The following IPO11 variants were observed in gnomAD, a reference collection of about 807,000 sequenced individuals.
IPO11 encodes the protein importin 11, also known as importin-11.
In IPO11, 66 loss-of-function variants were observed where a neutral mutation model predicts 143.2. The observed-to-expected ratio is 0.46, with a 90% confidence interval of 0.38 to 0.57. The LOEUF is 0.57. Ranked by LOEUF, IPO11 falls within the 20% of genes least tolerant of loss-of-function variation. The pLI is 0.00. For synonymous variants in IPO11, 385 were observed against 377.8 expected, an observed-to-expected ratio of 1.02 and a Z score of -0.22; for missense variants, 1,026 against 1,141.0, an observed-to-expected ratio of 0.90 and a Z score of 1.45.
At chr5:62,518,141 A>G (rs1473411020) in intron 20 of IPO11, among the ~76,000 whole-genome samples, 3 of 38,304 alleles carry the variant, frequency 7.8e-5, no homozygotes, top group Non-Finnish European at 1.3e-4. Context: ...CGTGCCTACT[A>G]AAAAAAAAAA....
At chr5:62,581,460 T>C (rs1744561499) in intron 27 of IPO11, 6 of 653,034 alleles carry the variant, frequency 9.2e-6, no homozygotes, top group Non-Finnish European at 7.4e-6. Flanking sequence ...GTGAACAGTG[T>C]ATTCATTTAG....
intron 16 of IPO11, among the ~76,000 whole-genome samples, chr5:62,497,417 G>T (rs550497139): frequency 6.6e-6 from 1 of 152,144 alleles, no homozygotes; most frequent in South Asian, 2.1e-4. Flanking sequence ...TCTCTTTCCA[G>T]TCTCATTCTA....
At chr5:62,579,310 A>G (rs1013438873) in intron 27 of IPO11, 15 of 838,852 alleles carry the variant, frequency 1.8e-5, no homozygotes, top group South Asian at 1.5e-4. Flanking sequence ...GCTGATCCTA[A>G]TTAAAATAGA....
chr5:62,528,667 A>C (rs1325110226), intron 21 of IPO11, among the ~76,000 whole-genome samples: 1 of 152,178 alleles, frequency 6.6e-6, no homozygotes, highest in Admixed American at 6.6e-5. Flanking sequence ...GGAATGAGAT[A>C]GGGAGGTGTT....
At chr5:62,524,180 G>A (rs1742294889) in intron 20 of IPO11, among the ~76,000 whole-genome samples, 1 of 152,106 alleles carries the variant, frequency 6.6e-6, no homozygotes, top group South Asian at 2.1e-4. Flanking sequence ...CTGCATATCA[G>A]GGATTGGACA....
At chr5:62,564,099 T>G (rs1036855519) in intron 27 of IPO11, among the ~76,000 whole-genome samples, 1 of 152,184 alleles carries the variant, frequency 6.6e-6, no homozygotes, top group Non-Finnish European at 1.5e-5. Flanking sequence ...TAGTAGAATT[T>G]TAAAGAATAA....
At chr5:62,548,790 T>G (rs969879136) in intron 24 of IPO11, among the ~76,000 whole-genome samples, 1 of 152,202 alleles carries the variant, frequency 6.6e-6, no homozygotes, top group Non-Finnish European at 1.5e-5. Flanking sequence ...ACCTTGGGAT[T>G]CAGCTTTCTC....
intron 29 of IPO11, among the ~76,000 whole-genome samples, chr5:62,603,572 G>A (rs77162785): frequency 2.0e-4 from 30 of 152,310 alleles, no homozygotes; most frequent in Admixed American, 7.2e-4. Context: ...GTCCTGGACA[G>A]GACACCATTT....
At chr5:62,513,146 T>TC (rs1436981732) in intron 19 of IPO11, among the ~76,000 whole-genome samples, 1 of 149,642 alleles carries the variant, frequency 6.7e-6, no homozygotes, top group Non-Finnish European at 1.5e-5. Context: ...GCTCCTCACT[T>TC]CCCAGTAGGG....
intron 29 of IPO11, among the ~76,000 whole-genome samples, chr5:62,617,370 T>A (rs1746179184): frequency 6.6e-6 from 1 of 152,248 alleles, no homozygotes; most frequent in Non-Finnish European, 1.5e-5. Flanking sequence ...TTAATTCACA[T>A]GTTTGGTTTT....
intron 7 of IPO11, 137 bp from the exon 8 acceptor site, chr5:62,474,279 T>G (rs1208991156): frequency 7.3e-6 from 4 of 548,348 alleles, no homozygotes; most frequent in Non-Finnish European, 1.3e-5. Flanking sequence ...GTTTTTTGCT[T>G]AACTAATTTT....
intron 27 of IPO11, among the ~76,000 whole-genome samples, chr5:62,583,669 G>A (rs1411147847): frequency 6.6e-6 from 1 of 152,048 alleles, no homozygotes; most frequent in Non-Finnish European, 1.5e-5. Flanking sequence ...AAAAATGTTA[G>A]CCAGCTCATA....
chr5:62,552,415 G>A (rs982432139), intron 26 of IPO11, among the ~76,000 whole-genome samples: 43 of 151,160 alleles, frequency 2.8e-4, no homozygotes, highest in Non-Finnish European at 5.0e-4. Context: ...TAAATAAATA[G>A]GGTATATTTT....
intron 29 of IPO11, among the ~76,000 whole-genome samples, chr5:62,605,017 G>T (rs1221754787): frequency 1.3e-5 from 2 of 152,084 alleles, no homozygotes; most frequent in Non-Finnish European, 2.9e-5. Context: ...GCAATATCTT[G>T]GTTGTTTCTT....
chr5:62,447,385 C>T (rs890667395), intron 3 of IPO11, among the ~76,000 whole-genome samples: 20 of 152,254 alleles, frequency 1.3e-4, no homozygotes, highest in Admixed American at 7.2e-4. Flanking sequence ...GATTTACAGG[C>T]GTGAGCCAGT....
intron 29 of IPO11, among the ~76,000 whole-genome samples, chr5:62,622,115 A>T (rs1192614259): frequency 6.6e-6 from 1 of 152,068 alleles, no homozygotes; most frequent in Non-Finnish European, 1.5e-5. Flanking sequence ...ATGCATATGG[A>T]AATACCTGTA....
At chr5:62,598,174 A>G (rs1745297097) in intron 28 of IPO11, among the ~76,000 whole-genome samples, 1 of 152,018 alleles carries the variant, frequency 6.6e-6, no homozygotes, top group South Asian at 2.1e-4. Flanking sequence ...TGACCAGGGG[A>G]ATGGGATCTC....
intron 29 of IPO11, among the ~76,000 whole-genome samples, chr5:62,602,367 A>G (rs1745538309): frequency 6.6e-6 from 1 of 152,202 alleles, no homozygotes; most frequent in Admixed American, 6.5e-5. Flanking sequence ...GCCTTTTAAT[A>G]TTATATATAA....
At chr5:62,489,232 A>G (rs1214627041) in intron 13 of IPO11, 70 bp from the exon 14 acceptor site, 2 of 851,034 alleles carry the variant, frequency 2.4e-6, no homozygotes, top group Non-Finnish European at 3.5e-6. Flanking sequence ...AATTGTGTTT[A>G]AATATAAATT....
Sources: allele counts gnomAD v4.1 joint callset (sites outside exome capture counted in the v4.1 genomes callset), GRCh38; gene constraint gnomAD v4.1.1; transcripts MANE v1.5; gene names NCBI Gene and HGNC (gene_info 2026-07-23, HGNC 2026-07-21).